Variants in EPS15L1 observed in about 807,000 individuals in gnomAD.
EPS15L1 encodes epidermal growth factor receptor substrate 15-like 1.
In EPS15L1, 43 loss-of-function variants were observed where a neutral mutation model predicts 117.1. That is an observed-to-expected ratio of 0.37 (90% CI 0.29 to 0.47). The LOEUF (loss-of-function observed/expected upper bound fraction) is 0.47, where lower values mean the gene tolerates loss of function less well. Among genes scored for constraint, EPS15L1 ranks in the 20% least tolerant of loss-of-function variants. The pLI is 0.99. For missense variants in EPS15L1, 981 were observed against 1,164.0 expected, an observed-to-expected ratio of 0.84 and a Z score of 2.29; for synonymous variants, 459 against 470.5, an observed-to-expected ratio of 0.98 and a Z score of 0.32.
At chr19:16,406,237 G>A (rs979020506) in intron 13 of EPS15L1, among the ~76,000 whole-genome samples, 2 of 152,140 alleles carry the variant, frequency 1.3e-5, no homozygotes, top group Admixed American at 1.3e-4. Context: ...TCAGGAAGCT[G>A]GGGTCTCCGT....
intron 9 of EPS15L1, among the ~76,000 whole-genome samples, chr19:16,422,832 C>T (rs763810372): frequency 6.6e-6 from 1 of 152,066 alleles, no homozygotes; most frequent in African/African-American, 2.4e-5. Context: ...GTGGTAGGCA[C>T]CTGTGATCCC....
chr19:16,464,010 G>A (rs1424531987), intron 1 of EPS15L1, among the ~76,000 whole-genome samples: 2 of 152,250 alleles, frequency 1.3e-5, no homozygotes, highest in Admixed American at 6.5e-5. Flanking sequence ...AGGACTGCAG[G>A]CCTGGGAAAC....
At chr19:16,435,153 T>G (rs1480422659) in intron 6 of EPS15L1, 2 of 152,202 alleles carry the variant, frequency 1.3e-5, no homozygotes, top group African/African-American at 4.8e-5. Flanking sequence ...TGTTTCAACA[T>G]GATGGCCGGG....
At position 16,404,764 on chromosome 19, in the gene EPS15L1, C is replaced by T; in HGVS notation, c.1267-15G>A. On this transcript the variant is annotated splice_polypyrimidine_tract_variant and intron_variant, in intron 13 of 23. Transcript: ENST00000455140. This position sits in a 1 kb window ranked among gnomAD's most constrained non-coding sequence, Gnocchi z 4.2. ...TTTTGTAATTCCTAGGGAGGAGTTG[C>T]AGGGGTTTACGTGAGGATGGGAAAA... 1 of 1,613,830 alleles carries T rather than the reference C, an allele frequency of 6.2e-7. No homozygotes were observed. Among genetic ancestry groups the T allele is most frequent in the Non-Finnish European group, 8.5e-7 (1 of 1,179,824 alleles).
chr19:16,463,856 T>C (rs1048777412), intron 1 of EPS15L1, among the ~76,000 whole-genome samples: 3 of 152,098 alleles, frequency 2.0e-5, no homozygotes, highest in African/African-American at 7.2e-5. Context: ...TGAAAAGGTG[T>C]AGGGATTCAC....
intron 16 of EPS15L1, among the ~76,000 whole-genome samples, chr19:16,397,724 G>A (rs2092554814): frequency 6.6e-6 from 1 of 151,722 alleles, no homozygotes; most frequent in Non-Finnish European, 1.5e-5. Context: ...AAACAAACAG[G>A]TTCATTTAAA....
intron 23 of EPS15L1, 81 bp from the exon 24 acceptor site, chr19:16,355,932 G>A: frequency 1.3e-6 from 2 of 1,487,300 alleles, no homozygotes; most frequent in African/African-American, 1.4e-5. Flanking sequence ...GAATGCGTGG[G>A]AGGGGTCAGG....
Position 16,437,716 on chromosome 19 carries a change from C to A in EPS15L1, c.309+54G>T, listed in dbSNP as rs1479161944. On this transcript the variant is annotated intron_variant, in intron 5 of 23. Coordinates refer to ENST00000455140, the MANE Select transcript of EPS15L1 (RefSeq NM_001258374.3). ...GCACATACACACATGCACATACACA[C>A]ACACACACATCTGGTATTAGAAGAA... The A allele has an allele frequency of 7.0e-6, 9 of 1,281,542 alleles. No individual in the cohort carries two copies. In the East Asian group the frequency reaches 1.6e-4, roughly 23 times the overall value. 79.4% of individuals were successfully genotyped at this position (1,281,542 alleles called of 1,614,324 possible).
intron 1 of EPS15L1, among the ~76,000 whole-genome samples, chr19:16,457,017 G>GCAGAAATCC (rs2093204127): frequency 1.3e-5 from 2 of 152,138 alleles, no homozygotes; most frequent in Admixed American, 1.3e-4. Flanking sequence ...ATGGTAAACG[G>GCAGAAATCC]CAGAAATCCG....
chr19:16,418,485 G>C (rs2092782334), intron 10 of EPS15L1, among the ~76,000 whole-genome samples: 1 of 152,242 alleles, frequency 6.6e-6, no homozygotes. Flanking sequence ...GGAAATGGGT[G>C]CTGAGACCAA....
At chr19:16,441,484 C>A (rs79855306) in intron 3 of EPS15L1, 3,850 of 166,648 alleles carry the variant, frequency 0.023, 131 homozygotes, top group Admixed American at 0.088. Context: ...AAAAAATTAG[C>A]CGGGTGTGGT....
At chr19:16,442,933 T>C (rs2093046985) in intron 1 of EPS15L1, among the ~76,000 whole-genome samples, 1 of 152,160 alleles carries the variant, frequency 6.6e-6, no homozygotes, top group African/African-American at 2.4e-5. Context: ...GGATCCAGCC[T>C]GGCTGGCGGC....
intron 9 of EPS15L1, 76 bp downstream of exon 9, chr19:16,425,007 G>C: frequency 1.6e-6 from 2 of 1,233,468 alleles, no homozygotes; most frequent in Non-Finnish European, 2.4e-6. Flanking sequence ...ACCGTTCTGG[G>C]GTTGCATGTT....
intron 8 of EPS15L1, among the ~76,000 whole-genome samples, chr19:16,427,010 T>C (rs766791166): frequency 3.3e-5 from 5 of 152,162 alleles, no homozygotes; most frequent in Non-Finnish European, 1.5e-5. Context: ...TGAAGAGGCA[T>C]CATGTCTGCA....
intron 1 of EPS15L1, among the ~76,000 whole-genome samples, chr19:16,467,724 G>A (rs775091981): frequency 1.3e-5 from 2 of 152,196 alleles, no homozygotes; most frequent in Admixed American, 6.5e-5. Context: ...AAGAGGACAA[G>A]TAAGTGTCCG....
At chr19:16,420,977 G>C (rs764906991) in intron 10 of EPS15L1, among the ~76,000 whole-genome samples, 1 of 152,236 alleles carries the variant, frequency 6.6e-6, no homozygotes, top group Admixed American at 6.5e-5. Flanking sequence ...CGCACCTCCC[G>C]GAGGCGGCTG....
At chr19:16,362,377 T>TA (rs369551491) in intron 22 of EPS15L1, among the ~76,000 whole-genome samples, 43,921 of 137,076 alleles carry the variant, frequency 0.32, 6,813 homozygotes, top group African/African-American at 0.41. Context: ...CTTCTAACAG[T>TA]AAAAAAAAAA....
intron 16 of EPS15L1, among the ~76,000 whole-genome samples, chr19:16,400,288 G>C (rs1485454366): frequency 2.1e-5 from 3 of 146,102 alleles, no homozygotes; most frequent in Non-Finnish European, 4.5e-5. Context: ...AGTGAGCTGA[G>C]ATTGTGCCAC....
chr19:16,444,194 G>C (rs1041344682), intron 1 of EPS15L1, among the ~76,000 whole-genome samples: 17 of 142,502 alleles, frequency 1.2e-4, no homozygotes, highest in African/African-American at 4.1e-4. Context: ...AAGAGGAAAA[G>C]AAAGGGGGAA....
Sources: allele counts gnomAD v4.1 joint callset (sites outside exome capture counted in the v4.1 genomes callset), GRCh38; gene constraint gnomAD v4.1.1; non-coding constraint Gnocchi (gnomAD v3.1); transcripts MANE v1.5; gene names NCBI Gene and HGNC (gene_info 2026-07-23, HGNC 2026-07-21).